The following PCDHA11 variants were observed in gnomAD, a reference collection of about 807,000 sequenced individuals.
PCDHA11 encodes protocadherin alpha 11.
A neutral mutation model predicts 70.3 loss-of-function variants in PCDHA11; 61 were observed. The ratio of observed to expected loss-of-function variants is 0.87; its 90% CI spans 0.71 to 1.07. PCDHA11 has a LOEUF of 1.07. PCDHA11 is among the 50% of genes least tolerant of loss of function. PCDHA11 has a pLI of 0.00. For synonymous variants in PCDHA11, 633 were observed against 555.1 expected (o/e 1.14, Z -1.97); for missense variants, 1,324 against 1,237.5 (o/e 1.07, Z -1.05).
chr5:140,883,289 C>T, intron 1 of PCDHA11: 2 of 1,614,022 alleles, frequency 1.2e-6, no homozygotes, highest in African/African-American at 1.3e-5. Context: ...GGTGGAAGTA[C>T]TAGATGTAAA....
intron 1 of PCDHA11, among the ~76,000 whole-genome samples, chr5:140,931,051 G>A (rs1460771235): frequency 6.6e-6 from 1 of 152,134 alleles, no homozygotes; most frequent in African/African-American, 2.4e-5. Flanking sequence ...AAACTTCAAT[G>A]CTGTGTCTGG....
chr5:140,938,215 G>C (rs1270663444), intron 1 of PCDHA11, among the ~76,000 whole-genome samples: 3 of 152,100 alleles, frequency 2.0e-5, no homozygotes, highest in Non-Finnish European at 4.4e-5. Context: ...CAAAGTGCTG[G>C]GATTACAGGC....
chr5:140,900,062 A>C (rs1221394657), intron 1 of PCDHA11, among the ~76,000 whole-genome samples: 1 of 152,138 alleles, frequency 6.6e-6, no homozygotes, highest in Non-Finnish European at 1.5e-5. Flanking sequence ...CTTTAACCTC[A>C]GCCTCCAAAA....
chr5:140,907,009 C>A (rs2193983), intron 1 of PCDHA11, among the ~76,000 whole-genome samples: 26,809 of 152,052 alleles, frequency 0.18, 2,652 homozygotes, highest in African/African-American at 0.27. Flanking sequence ...GGAACTAAGA[C>A]CTCTAGGCCA....
At chr5:140,884,166 C>G (rs1554181300) in intron 1 of PCDHA11, 2 of 1,613,430 alleles carry the variant, frequency 1.2e-6, no homozygotes, top group Non-Finnish European at 8.5e-7. Flanking sequence ...GAGATCAGCA[C>G]GACGCGCCCT....
At chr5:140,884,820 T>A (rs1318105542) in intron 1 of PCDHA11, 2 of 1,013,184 alleles carry the variant, frequency 2.0e-6, no homozygotes, top group Non-Finnish European at 2.8e-6. Context: ...GTGGACATTA[T>A]GTGTTGGATT....
At chr5:140,928,061 C>T (rs2084900711) in intron 1 of PCDHA11, 1 of 1,614,192 alleles carries the variant, frequency 6.2e-7, no homozygotes, top group African/African-American at 1.3e-5. Flanking sequence ...CTGACGGCTT[C>T]CTTTGACAAC....
chr5:140,897,722 T>G (rs1236534951), intron 1 of PCDHA11, among the ~76,000 whole-genome samples: 10 of 152,162 alleles, frequency 6.6e-5, no homozygotes, highest in Admixed American at 6.5e-4. Context: ...GATGGCTGGG[T>G]CAAATAGTAT....
chr5:140,914,944 CTTT>C (rs35695909), intron 1 of PCDHA11, among the ~76,000 whole-genome samples: 73 of 128,234 alleles, frequency 5.7e-4, no homozygotes, highest in African/African-American at 1.8e-3. Flanking sequence ...GAAAAGTTGT[CTTT>C]TTTTTTTTTT....
chr5:140,946,162 A>C (rs2093896348), intron 1 of PCDHA11, among the ~76,000 whole-genome samples: 1 of 152,080 alleles, frequency 6.6e-6, no homozygotes, highest in Non-Finnish European at 1.5e-5. Context: ...GATTTAAAAG[A>C]TGGGTAAAGG....
At chr5:140,960,405 C>T (rs2095547214) in intron 1 of PCDHA11, among the ~76,000 whole-genome samples, 1 of 151,828 alleles carries the variant, frequency 6.6e-6, no homozygotes, top group Non-Finnish European at 1.5e-5. Context: ...AGGGGGGGTG[C>T]CCAAAAAGTC....
chr5:140,966,183 C>T (rs1399845859), intron 1 of PCDHA11: 1 of 195,556 alleles, frequency 5.1e-6, no homozygotes, highest in African/African-American at 2.3e-5. Flanking sequence ...AGCTGATAGC[C>T]AGACTTCTAG....
chr5:140,933,405 T>C (rs2089126451), intron 1 of PCDHA11, among the ~76,000 whole-genome samples: 1 of 152,062 alleles, frequency 6.6e-6, no homozygotes, highest in African/African-American at 2.4e-5. Context: ...GGTTACCATC[T>C]ACAGATATTC....
chr5:140,918,899 C>G (rs2078917474), intron 1 of PCDHA11, among the ~76,000 whole-genome samples: 1 of 152,206 alleles, frequency 6.6e-6, no homozygotes, highest in African/African-American at 2.4e-5. Context: ...AAATAAATCT[C>G]TCTTGTTTAT....
At position 140,933,976 on chromosome 5, in the gene PCDHA11, A is replaced by G. The variant is rs1359426492; in HGVS notation, c.2392-44973A>G. ...ATCTGTAGTGATGTTTCCCTTTTCA[A>G]TCCTGGTGTTAGTGTCACCTCTCAT... On this transcript the variant is annotated intron_variant, in intron 1 of 3. Coordinates refer to ENST00000398640, the MANE Select transcript of PCDHA11 (RefSeq NM_018902.5). Among the ~76,000 whole-genome samples, 3 of 151,666 alleles carry G rather than the reference A, an allele frequency of 2.0e-5. No homozygotes were observed. The East Asian group carries it at 5.8e-4, about 29-fold the overall frequency.
chr5:140,990,205 G>T (rs2097380865), intron 3 of PCDHA11, among the ~76,000 whole-genome samples: 1 of 152,116 alleles, frequency 6.6e-6, no homozygotes, highest in Non-Finnish European at 1.5e-5. Context: ...ACCCGAAAGA[G>T]AACAAAGAGA....
At chr5:140,948,237 T>C (rs532703710) in intron 1 of PCDHA11, among the ~76,000 whole-genome samples, 1 of 151,810 alleles carries the variant, frequency 6.6e-6, no homozygotes, top group South Asian at 2.1e-4. Flanking sequence ...ACTTGTATTT[T>C]AGTAAATATT....
At chr5:140,976,794 A>T (rs1199342082) in intron 1 of PCDHA11, among the ~76,000 whole-genome samples, 1 of 152,230 alleles carries the variant, frequency 6.6e-6, no homozygotes, top group East Asian at 1.9e-4. Context: ...CTACGCTTTT[A>T]TGAATATCTG....
chr5:140,927,317 G>A lies in PCDHA11; in HGVS notation c.2392-51632G>A, dbSNP rs782172424. ...CCCGAGTTCCTGACGCCCGGAGCCCGCTTTACTCTCCCGAATGCCCAAGAT... is the reference window on the plus strand; with the variant it reads ...CCCGAGTTCCTGACGCCCGGAGCCCACTTTACTCTCCCGAATGCCCAAGAT... On this transcript the variant is annotated intron_variant, in intron 1 of 3. Coordinates refer to ENST00000398640, the MANE Select transcript of PCDHA11 (RefSeq NM_018902.5). 3.2e-5 allele frequency: 52 copies of A among 1,614,146 alleles called. 1 individual carries two copies. The South Asian group carries it at 5.2e-4, about 16-fold the overall frequency.
Sources: gnomAD v4.1 joint callset for allele counts (sites outside exome capture counted in the v4.1 genomes callset) on GRCh38, gnomAD v4.1.1 for gene constraint, MANE v1.5 for transcripts, NCBI Gene and HGNC (gene_info 2026-07-23, HGNC 2026-07-21) for gene names.